Variants in PIRT observed in about 807,000 individuals in gnomAD.
PIRT encodes the protein phosphoinositide-interacting protein.
PIRT carries 6 observed loss-of-function variants against 7.9 expected under a neutral mutation model. That is an observed-to-expected ratio of 0.76 (90% CI 0.42 to 1.51). The LOEUF (loss-of-function observed/expected upper bound fraction) is 1.51, where lower values mean the gene tolerates loss of function less well. Among genes scored for constraint, PIRT ranks in the 40% most tolerant of loss-of-function variants. The pLI is 0.01. For missense variants in PIRT, 170 were observed against 172.9 expected, an observed-to-expected ratio of 0.98 and a Z score of 0.09; for synonymous variants, 78 against 71.8, an observed-to-expected ratio of 1.09 and a Z score of -0.44.
rs796529723 is a variant in PIRT, at chr17:10,825,107, A to C, written c.*125T>G. 1.6e-6 allele frequency: 2 copies of C among 1,274,440 alleles called. No individual in the cohort carries two copies. The highest frequency in any genetic ancestry group is 3.0e-5 in the African/African-American group (2 of 66,540). 78.9% of individuals were successfully genotyped at this position (1,274,440 alleles called of 1,614,324 possible). A position where few individuals can be genotyped will look rare whatever the true frequency, so the allele number is the denominator to read the frequency against. ...TGGAGCCCCAAGCTCTATCTTCCCC[A>C]CAGGGTCAGGAAGAGCATTTTCCTG... On this transcript the variant is annotated 3_prime_UTR_variant, in exon 2 of 2. Transcript: ENST00000580256.
At position 10,822,470 on chromosome 17, in the gene PIRT, C is replaced by CAGTG. The variant is rs1156797975; in HGVS notation, c.*2758_*2761dup. ...AAGAGAAGAATGAAAACACAGCAGA[C>CAGTG]AGTGTTACATAGAATACAATTCAAC... On this transcript the variant is annotated 3_prime_UTR_variant, in exon 2 of 2. Coordinates refer to ENST00000580256, the MANE Select transcript of PIRT (RefSeq NM_001101387.2). The CAGTG allele has an allele frequency of 1.3e-5, 2 of 152,154 alleles. No individual in the cohort carries two copies. The highest frequency in any genetic ancestry group is 2.9e-5 in the Non-Finnish European group (2 of 68,036). 9.4% of individuals were successfully genotyped at this position (152,154 alleles called of 1,614,324 possible).
At chr17:10,834,570 G>A (rs1303962447) in intron 1 of PIRT, among the ~76,000 whole-genome samples, 1 of 152,122 alleles carries the variant, frequency 6.6e-6, no homozygotes, top group South Asian at 2.1e-4. Context: ...TCAATATGGT[G>A]CTGTTAGATC....
rs763050579 is a variant in PIRT, at chr17:10,825,487, G to A, written c.159C>T (p.Arg53=). 1 of 1,613,936 alleles carries A rather than the reference G, an allele frequency of 6.2e-7. No homozygotes were observed. ...CCACTGACATGATAACGATGGGCTT[G>A]CGGTAGATTTCCCAGTTACTCCTGG... is the stretch of plus-strand genomic sequence containing the variant. ...TTPRSNWEIY[R]KPIVIMSVGG... is the part of the protein sequence containing the mutation. The change falls in exon 2 of 2, where the codon CGC becomes CGT. Residue 53 remains arginine, a synonymous_variant. Coordinates refer to ENST00000580256, the MANE Select transcript of PIRT (RefSeq NM_001101387.2).
chr17:10,825,439 G>A lies in PIRT; in HGVS notation c.207C>T (p.Gly69=), dbSNP rs1304628469. 3.7e-6 allele frequency: 6 copies of A among 1,613,840 alleles called. No individual in the cohort carries two copies. The highest frequency in any genetic ancestry group is 4.5e-5 in the East Asian group (2 of 44,884). ...TGTAGGCCAAGCAGGTGATGACCAC[G>A]CCGAAAAGCAGGATGGCACCGCCCA... ...MSVGGAILLF[G]VVITCLAYTL... The change falls in exon 2 of 2, where the codon GGC becomes GGT. Residue 69 remains glycine (G), a synonymous_variant. Transcript: ENST00000580256.
chr17:10,829,957 G>A (rs571096324), intron 1 of PIRT, among the ~76,000 whole-genome samples: 46 of 142,046 alleles, frequency 3.2e-4, no homozygotes, highest in African/African-American at 1.1e-3. Flanking sequence ...CTATGTAGAT[G>A]TCTGTCTGTC....
intron 1 of PIRT, among the ~76,000 whole-genome samples, chr17:10,826,400 G>C (rs1229788388): frequency 6.6e-6 from 1 of 152,150 alleles, no homozygotes; most frequent in Admixed American, 6.6e-5. Flanking sequence ...TTCTTTCATA[G>C]AATTTTCAAA....
At chr17:10,830,119 C>A (rs375411370) in intron 1 of PIRT, among the ~76,000 whole-genome samples, 16 of 152,134 alleles carry the variant, frequency 1.1e-4, no homozygotes, top group Admixed American at 1.0e-3. Flanking sequence ...GGAGGCACTT[C>A]TAGGCAATGA....
intron 1 of PIRT, among the ~76,000 whole-genome samples, chr17:10,829,981 A>G (rs894678424): frequency 2.5e-5 from 3 of 119,780 alleles, no homozygotes; most frequent in Admixed American, 8.5e-5. Flanking sequence ...CTATCTATCT[A>G]TCTATCTATC....
intron 1 of PIRT, among the ~76,000 whole-genome samples, chr17:10,829,785 T>G (rs759841625): frequency 2.0e-5 from 3 of 152,252 alleles, no homozygotes; most frequent in Non-Finnish European, 4.4e-5. Context: ...TTTTTCATAA[T>G]GTTACATTTA....
rs1905275403 is a variant in PIRT at position 10,824,892 on chromosome 17, A to T, written c.*340T>A. On this transcript the variant is annotated 3_prime_UTR_variant, in exon 2 of 2. Transcript: ENST00000580256. ...GTAAACATGAGGTTCTCCCTTGGGC[A>T]TAGCCCACCTTCGAAGAATTTCCCA... The T allele has an allele frequency of 3.4e-6, 1 of 294,120 alleles. No homozygotes were observed. The highest frequency in any genetic ancestry group is 2.1e-5 in the African/African-American group (1 of 47,172). The allele number at this position is 294,120 out of a possible 1,614,324, so 18.2% of individuals were successfully genotyped here.
At chr17:10,828,718 G>A (rs1567616214) in intron 1 of PIRT, among the ~76,000 whole-genome samples, 5 of 152,176 alleles carry the variant, frequency 3.3e-5, no homozygotes, top group South Asian at 2.1e-4. Flanking sequence ...CAATTTCAGC[G>A]GAGTCCCTCC....
At chr17:10,828,862 G>A (rs1047385812) in intron 1 of PIRT, among the ~76,000 whole-genome samples, 1 of 152,218 alleles carries the variant, frequency 6.6e-6, no homozygotes, top group Non-Finnish European at 1.5e-5. Context: ...GGGGGAAATA[G>A]GAGTTGTAAC....
chr17:10,825,017 G>A lies in PIRT; in HGVS notation c.*215C>T. On this transcript the variant is annotated 3_prime_UTR_variant, in exon 2 of 2. Coordinates refer to ENST00000580256, the MANE Select transcript of PIRT (RefSeq NM_001101387.2). ...AGGGAAGGCCACAGCCGGGATCCAA[G>A]GAAGCATCAGTCAGAATAGAGATCA... 1 of 630,442 alleles carries A rather than the reference G, an allele frequency of 1.6e-6. No homozygotes were observed. Among genetic ancestry groups the A allele is most frequent in the East Asian group, 2.8e-5 (1 of 35,492 alleles). The allele number at this position is 630,442 out of a possible 1,614,324, so 39.1% of individuals were successfully genotyped here.
chr17:10,829,358 G>A (rs1322599042), intron 1 of PIRT, among the ~76,000 whole-genome samples: 1 of 152,198 alleles, frequency 6.6e-6, no homozygotes, highest in African/African-American at 2.4e-5. Flanking sequence ...TCAGGAACAG[G>A]AAGTGTTGAA....
chr17:10,829,985 ATC>A (rs919798867), intron 1 of PIRT, among the ~76,000 whole-genome samples: 6 of 151,590 alleles, frequency 4.0e-5, no homozygotes, highest in Non-Finnish European at 7.4e-5. Flanking sequence ...CTATCTATCT[ATC>A]TATCTATCTA....
intron 1 of PIRT, among the ~76,000 whole-genome samples, chr17:10,832,917 G>C (rs1380051466): frequency 1.3e-5 from 2 of 152,178 alleles, no homozygotes; most frequent in African/African-American, 4.8e-5. Context: ...GGATCCACCT[G>C]ACAGGCCCAG....
In PIRT at chr17:10,824,332, G is replaced by C. The variant is rs1905266304; in HGVS notation, c.*900C>G. ...TACAGATCATTCAGATATGGAACTT[G>C]ATTCTCTCAATTTTGATCTTGATGG... is the stretch of plus-strand genomic sequence containing the variant. On this transcript the variant is annotated 3_prime_UTR_variant, in exon 2 of 2. Transcript: ENST00000580256. The C allele has an allele frequency of 1.3e-5, 2 of 152,198 alleles. No homozygotes were observed. Among genetic ancestry groups the C allele is most frequent in the African/African-American group, 4.8e-5 (2 of 41,460 alleles). 9.4% of individuals were successfully genotyped at this position (152,198 alleles called of 1,614,324 possible). A position where few individuals can be genotyped will look rare whatever the true frequency, so the allele number is the denominator to read the frequency against.
chr17:10,830,001 A>G (rs552509316), intron 1 of PIRT, among the ~76,000 whole-genome samples: 9 of 141,296 alleles, frequency 6.4e-5, no homozygotes, highest in African/African-American at 1.9e-4. Flanking sequence ...CTATCTATCT[A>G]TCTATCTATC....
rs912943781 is a variant in PIRT at position 10,838,019 on chromosome 17, G to A, written c.-213C>T. ...CTCGTGCAAGGAGGAAGCCGGCAAT[G>A]AGTTTCTGCTCAAGTCCATGCCAGC... On this transcript the variant is annotated 5_prime_UTR_variant, in exon 1 of 2. Transcript: ENST00000580256. 9 of 152,290 alleles carry A rather than the reference G, an allele frequency of 5.9e-5. No homozygotes were observed. Among genetic ancestry groups the A allele is most frequent in the African/African-American group, 1.7e-4 (7 of 41,456 alleles). 9.4% of individuals were successfully genotyped at this position (152,290 alleles called of 1,614,324 possible).
Sources: gnomAD v4.1 joint callset for allele counts (sites outside exome capture counted in the v4.1 genomes callset) on GRCh38, gnomAD v4.1.1 for gene constraint, MANE v1.5 for transcripts, NCBI Gene and HGNC (gene_info 2026-07-23, HGNC 2026-07-21) for gene names.